Variants in LITAF observed in about 807,000 individuals in gnomAD.
LITAF encodes the protein lipopolysaccharide-induced tumor necrosis factor-alpha factor.
Under a neutral mutation model 14.5 loss-of-function variants are expected in LITAF, and 9 were observed. That is an observed-to-expected ratio of 0.62 (90% CI 0.37 to 1.08). The LOEUF is 1.08. Among genes scored for constraint, LITAF ranks in the 50% least tolerant of loss-of-function variants. The pLI is 0.01. For missense variants in LITAF, 206 were observed against 213.4 expected, an observed-to-expected ratio of 0.97 and a Z score of 0.22; for synonymous variants, 98 against 88.2, an observed-to-expected ratio of 1.11 and a Z score of -0.62.
At chr16:11,579,052 G>A (rs527370852) in intron 1 of LITAF, among the ~76,000 whole-genome samples, 36 of 152,104 alleles carry the variant, frequency 2.4e-4, no homozygotes, top group Non-Finnish European at 1.8e-4. Flanking sequence ...AGCTGGGTGT[G>A]GTGGTGCGTG....
At chr16:11,583,841 C>G (rs947838119) in intron 1 of LITAF, among the ~76,000 whole-genome samples, 1 of 152,224 alleles carries the variant, frequency 6.6e-6, no homozygotes, top group African/African-American at 2.4e-5. Flanking sequence ...GCGAGGTGAG[C>G]AGAGAATTAC....
At position 11,549,980 on chromosome 16, in the gene LITAF, G is replaced by A. The variant is rs1319432475; in HGVS notation, c.378-235C>T. Among the ~76,000 whole-genome samples the A allele has an allele frequency of 6.6e-6, 1 of 152,220 alleles. No individual in the cohort carries two copies. The highest frequency in any genetic ancestry group is 1.5e-5 in the Non-Finnish European group (1 of 68,040). On this transcript the variant is annotated intron_variant, in intron 3 of 3. Coordinates refer to ENST00000622633, the MANE Select transcript of LITAF (RefSeq NM_001136472.2). This position sits in a 1 kb window ranked among gnomAD's most constrained non-coding sequence, Gnocchi z 4.6. ...GAGGGCAGAAGGAAATGTGAAGACA[G>A]AGGCAGAAGCTGGAGTGATGAGGCC... is the stretch of plus-strand genomic sequence containing the variant.
chr16:11,594,944 T>TA (rs1302991178), intron 1 of LITAF, among the ~76,000 whole-genome samples: 1 of 151,936 alleles, frequency 6.6e-6, no homozygotes, highest in East Asian at 1.9e-4. Flanking sequence ...AGGCTATAAA[T>TA]AGTTGTCTCT....
At chr16:11,606,909 G>A (rs1201233807) in intron 3 of LITAF, among the ~76,000 whole-genome samples, 1 of 152,182 alleles carries the variant, frequency 6.6e-6, no homozygotes, top group African/African-American at 2.4e-5. Context: ...AGAGTGCTGG[G>A]ATTACAAGCG....
chr16:11,636,695 T>G (rs2065139733), upstream of LITAF, among the ~76,000 whole-genome samples: 1 of 143,542 alleles, frequency 7.0e-6, no homozygotes, highest in African/African-American at 3.0e-5. Context: ...CTTTTCCTAT[T>G]GGCACAGCTG....
At position 11,586,684 on chromosome 16, in the gene LITAF, T is replaced by C. The variant is rs976275912; in HGVS notation, c.-6+202A>G. ...CCGGAGACGCGGCCGGGACCAGCGC[T>C]GGGAGGCCGGACCCCGCCCCGGCCG... is the stretch of plus-strand genomic sequence containing the variant. On this transcript the variant is annotated intron_variant, in intron 1 of 3. Transcript: ENST00000622633. The surrounding 1 kb of genome is among the most constrained non-coding windows in gnomAD (Gnocchi z 6.5). Among the ~76,000 whole-genome samples the C allele has an allele frequency of 1.3e-5, 2 of 150,978 alleles. No homozygotes were observed. The highest frequency in any genetic ancestry group is 4.9e-5 in the African/African-American group (2 of 41,188).
At chr16:11,630,221 C>T (rs1280122645) in intron 3 of LITAF, among the ~76,000 whole-genome samples, 1 of 152,154 alleles carries the variant, frequency 6.6e-6, no homozygotes, top group Non-Finnish European at 1.5e-5. Context: ...CTAGCCTCAG[C>T]CCCTATGGAT....
intron 1 of LITAF, among the ~76,000 whole-genome samples, chr16:11,578,978 C>T (rs1349283575): frequency 1.3e-5 from 2 of 152,186 alleles, no homozygotes; most frequent in East Asian, 1.9e-4. Context: ...CACCTGAGGT[C>T]GGGAGTTCGA....
chr16:11,579,986 T>C (rs1300452026), intron 1 of LITAF, among the ~76,000 whole-genome samples: 1 of 152,114 alleles, frequency 6.6e-6, no homozygotes, highest in Non-Finnish European at 1.5e-5. Context: ...ATACAATAAA[T>C]TGAAATCTAC....
chr16:11,618,012 A>T (rs1240474944), intron 3 of LITAF, among the ~76,000 whole-genome samples: 2 of 152,084 alleles, frequency 1.3e-5, no homozygotes, highest in Non-Finnish European at 2.9e-5. Flanking sequence ...CTGGGACTAC[A>T]GGTGCATGCC....
In LITAF at chr16:11,579,367, C is replaced by T. The variant is rs561905267; in HGVS notation, c.-6+7519G>A. Among the ~76,000 whole-genome samples the T allele has an allele frequency of 2.0e-5, 3 of 151,854 alleles. 1 individual carries two copies. The highest frequency in any genetic ancestry group is 7.2e-5 in the African/African-American group (3 of 41,418). On this transcript the variant is annotated intron_variant, in intron 1 of 3. Coordinates refer to ENST00000622633, the MANE Select transcript of LITAF (RefSeq NM_001136472.2). The stretch of plus-strand genomic sequence containing the variant: ...TCGGGAGGCTGAGGCAGGAGAATGG[C>T]GTGAACCCGGGAGGCGGAGCTTGCA...
intron 1 of LITAF, among the ~76,000 whole-genome samples, chr16:11,567,312 C>G (rs941082402): frequency 6.6e-6 from 1 of 151,286 alleles, no homozygotes; most frequent in Non-Finnish European, 1.5e-5. Flanking sequence ...CCTAGCTACT[C>G]GGGAGGCTGA....
chr16:11,579,427 C>T (rs541092964), intron 1 of LITAF, among the ~76,000 whole-genome samples: 1,527 of 150,440 alleles, frequency 0.01, 51 homozygotes, highest in African/African-American at 0.036. Flanking sequence ...GTCCGCAGTC[C>T]GGCCTGGGCG....
At chr16:11,604,684 G>T (rs2064945808) in intron 3 of LITAF, among the ~76,000 whole-genome samples, 1 of 148,816 alleles carries the variant, frequency 6.7e-6, no homozygotes, top group Non-Finnish European at 1.5e-5. Flanking sequence ...CTAGGTGGTG[G>T]CCACAGTTGT....
chr16:11,636,510 T>G (rs2065138977), upstream of LITAF: 1 of 152,348 alleles, frequency 6.6e-6, no homozygotes, highest in South Asian at 2.1e-4. Flanking sequence ...TAGGACTAGG[T>G]GTACCTTTTG....
chr16:11,577,546 G>C (rs1029385314), intron 1 of LITAF, among the ~76,000 whole-genome samples: 1 of 152,020 alleles, frequency 6.6e-6, no homozygotes, highest in African/African-American at 2.4e-5. Context: ...TCGAACTCAT[G>C]ACCTCAAGTG....
At chr16:11,607,502 C>A (rs942805486) in intron 3 of LITAF, among the ~76,000 whole-genome samples, 1 of 151,932 alleles carries the variant, frequency 6.6e-6, no homozygotes, top group Non-Finnish European at 1.5e-5. Context: ...AAATGTATGT[C>A]CCACTTCTGA....
intron 3 of LITAF, among the ~76,000 whole-genome samples, chr16:11,615,305 G>A (rs1451526831): frequency 6.6e-6 from 1 of 152,214 alleles, no homozygotes; most frequent in Non-Finnish European, 1.5e-5. Flanking sequence ...GGGAGGCTGA[G>A]GCAGGTGGAT....
rs182363526 is a variant in LITAF at position 11,567,703 on chromosome 16, G to A, written c.-5-10968C>T. 5.6e-4 allele frequency among the ~76,000 whole-genome samples: 85 copies of A among 152,054 alleles called. 2 individuals carry two copies. The highest frequency in any genetic ancestry group is 5.0e-3 in the Admixed American group (77 of 15,270). On this transcript the variant is annotated intron_variant, in intron 1 of 3. Coordinates refer to ENST00000622633, the MANE Select transcript of LITAF (RefSeq NM_001136472.2). Reference sequence around the variant, plus strand: ...GAAAGATGTCAAGAGGGTAGTTCCAGGCCGGGCATGGTGGCTCACGCCTGT... The same window carrying A: ...GAAAGATGTCAAGAGGGTAGTTCCAAGCCGGGCATGGTGGCTCACGCCTGT...
Sources: allele counts gnomAD v4.1 joint callset (sites outside exome capture counted in the v4.1 genomes callset), GRCh38; gene constraint gnomAD v4.1.1; non-coding constraint Gnocchi (gnomAD v3.1); transcripts MANE v1.5; gene names NCBI Gene and HGNC (gene_info 2026-07-23, HGNC 2026-07-21).